The following IL6R variants were observed in gnomAD, a reference collection of about 807,000 sequenced individuals.
IL6R encodes interleukin-6 receptor subunit alpha.
IL6R carries 38 observed loss-of-function variants against 48.3 expected under a neutral mutation model. That is an observed-to-expected ratio of 0.79 (90% confidence interval 0.61 to 1.03). IL6R has a LOEUF of 1.03. IL6R is among the 50% of genes least tolerant of loss of function. IL6R has a pLI of 0.00. For missense variants in IL6R, 534 were observed against 618.3 expected (o/e 0.86, Z 1.45); for synonymous variants, 264 against 256.2 (o/e 1.03, Z -0.29).
intron 9 of IL6R, among the ~76,000 whole-genome samples, chr1:154,464,765 C>G (rs1032994957): frequency 2.6e-5 from 4 of 151,920 alleles, no homozygotes; most frequent in African/African-American, 9.7e-5. Flanking sequence ...TCAAGACCAG[C>G]CTGAGCAACA....
chr1:154,412,318 A>G (rs1688073702), intron 1 of IL6R, among the ~76,000 whole-genome samples: 2 of 151,268 alleles, frequency 1.3e-5, no homozygotes, highest in African/African-American at 2.4e-5. Context: ...CAGTGGCACA[A>G]TCTCAGCTCA....
chr1:154,439,811 A>T (rs904242301), intron 6 of IL6R, among the ~76,000 whole-genome samples: 1 of 152,102 alleles, frequency 6.6e-6, no homozygotes, highest in Admixed American at 6.5e-5. Flanking sequence ...TGTGAGTTTG[A>T]CTACTCTAGT....
At position 154,465,355 on chromosome 1, in the gene IL6R, A is replaced by G. The variant is rs1431089810; in HGVS notation, c.1382A>G (p.Asn461Ser). The G allele has an allele frequency of 5.0e-6, 8 of 1,614,104 alleles. No individual in the cohort carries two copies. Among genetic ancestry groups the G allele is most frequent in the African/African-American group, 2.7e-5 (2 of 74,930 alleles). Residue 461 changes from asparagine (N) to serine (S), a missense_variant, in exon 10 of 10, where the codon AAT becomes AGT. Coordinates refer to ENST00000368485, the MANE Select transcript of IL6R (RefSeq NM_000565.4). ...CCACGGAGCCCTTATGACATCAGCA[A>G]TACAGACTACTTCTTCCCCAGATAG... The part of the protein sequence containing the change: ...RDPRSPYDIS[N>S]TDYFFPR
chr1:154,458,128 G>A (rs1240311538), intron 9 of IL6R, among the ~76,000 whole-genome samples: 2 of 151,780 alleles, frequency 1.3e-5, no homozygotes. Flanking sequence ...CACCACGCCT[G>A]GCTAATTTTT....
chr1:154,434,797 G>A, intron 4 of IL6R, 97 bp downstream of exon 4: 1 of 1,346,162 alleles, frequency 7.4e-7, no homozygotes, highest in Non-Finnish European at 1.0e-6. Context: ...GGTGGTTGAG[G>A]GGTTTGGTGA....
intron 8 of IL6R, among the ~76,000 whole-genome samples, chr1:154,450,369 C>A (rs1690520130): frequency 6.6e-6 from 1 of 152,088 alleles, no homozygotes; most frequent in South Asian, 2.1e-4. Context: ...TGTGATCCAC[C>A]CACCTCGGCC....
chr1:154,467,627 G>C lies in IL6R; in HGVS notation c.*2247G>C, dbSNP rs115361002. The C allele has an allele frequency of 6.6e-6, 1 of 152,230 alleles. No homozygotes were observed. The highest frequency in any genetic ancestry group is 2.1e-4 in the South Asian group (1 of 4,832). 9.4% of individuals were successfully genotyped at this position (152,230 alleles called of 1,614,324 possible). A position where few individuals can be genotyped will look rare whatever the true frequency, so the allele number is the denominator to read the frequency against. ...TGGCAAAAAGGCAGGATGGCCGGGCGCGGTGGCTCACGCCTGTAATCCTAG... is the reference window on the plus strand; with the variant it reads ...TGGCAAAAAGGCAGGATGGCCGGGCCCGGTGGCTCACGCCTGTAATCCTAG... On this transcript the variant is annotated 3_prime_UTR_variant, in exon 10 of 10. Transcript: ENST00000368485.
At chr1:154,463,937 A>G (rs996380927) in intron 9 of IL6R, among the ~76,000 whole-genome samples, 1 of 152,118 alleles carries the variant, frequency 6.6e-6, no homozygotes, top group Non-Finnish European at 1.5e-5. Flanking sequence ...ACTCACCAGC[A>G]TGGTGGGAGT....
chr1:154,441,360 A>G (rs563883623), intron 6 of IL6R, among the ~76,000 whole-genome samples: 1 of 152,262 alleles, frequency 6.6e-6, no homozygotes, highest in East Asian at 1.9e-4. Flanking sequence ...TTTGGCATAG[A>G]CACAGCTTCT....
chr1:154,429,570 G>A (rs1689178661), intron 2 of IL6R, 126 bp downstream of exon 2: 3 of 1,135,550 alleles, frequency 2.6e-6, no homozygotes, highest in East Asian at 5.1e-5. Flanking sequence ...TTTGGGGAAG[G>A]CCCACCAATG....
chr1:154,448,041 C>A, intron 6 of IL6R, 84 bp from the exon 7 acceptor site: 1 of 1,134,560 alleles, frequency 8.8e-7, no homozygotes. Context: ...TTGAGATGAA[C>A]TTTTTTTTTC....
In IL6R at chr1:154,405,488, C is replaced by T; in HGVS notation, c.-142C>T. 1.4e-6 allele frequency: 1 copy of T among 705,612 alleles called. No individual in the cohort carries two copies. The highest frequency in any genetic ancestry group is 4.1e-4 in the Middle Eastern group (1 of 2,458). The allele number at this position is 705,612 out of a possible 1,614,324, so 43.7% of individuals were successfully genotyped here. On this transcript the variant is annotated 5_prime_UTR_variant, in exon 1 of 10. Transcript: ENST00000368485. The surrounding 1 kb of genome is among the most constrained non-coding windows in gnomAD (Gnocchi z 5.2). ...CTCGCAGTGTGTGTAGAGAGCCGGG[C>T]TCCTGCGGATGGGGGCTGCCCCCGG... is the stretch of plus-strand genomic sequence containing the variant.
At chr1:154,420,606 A>C (rs1218101079) in intron 1 of IL6R, among the ~76,000 whole-genome samples, 1 of 150,968 alleles carries the variant, frequency 6.6e-6, no homozygotes, top group Non-Finnish European at 1.5e-5. Context: ...GCAGCCTTCG[A>C]CTCACTGCAG....
chr1:154,464,377 ACTCCTGAC>A (rs1479260145), intron 9 of IL6R, among the ~76,000 whole-genome samples: 2 of 148,024 alleles, frequency 1.4e-5, no homozygotes, highest in Non-Finnish European at 3.0e-5. Flanking sequence ...CTGGTCTTGA[ACTCCTGAC>A]CTCAGGTGAT....
At position 154,455,849 on chromosome 1, in the gene IL6R, G is replaced by T. The variant is rs191492301; in HGVS notation, c.1160+1268G>T. Among the ~76,000 whole-genome samples the T allele has an allele frequency of 1.2e-3, 178 of 151,936 alleles. 2 individuals are homozygous for T. Among genetic ancestry groups the T allele is most frequent in the African/African-American group, 4.0e-3 (165 of 41,510 alleles). On this transcript the variant is annotated intron_variant, in intron 9 of 9. Coordinates refer to ENST00000368485, the MANE Select transcript of IL6R (RefSeq NM_000565.4). Reference sequence around the variant, plus strand: ...AGGCAGGTGGATCACCTGAGGTCAGGAGTTCGAGACCAGCCTGGCCAAAAT... The same window carrying T: ...AGGCAGGTGGATCACCTGAGGTCAGTAGTTCGAGACCAGCCTGGCCAAAAT...
chr1:154,448,156 G>T lies in IL6R; in HGVS notation c.981G>T (p.Val327=). 1 of 1,613,722 alleles carries T rather than the reference G, an allele frequency of 6.2e-7. No homozygotes were observed. Among genetic ancestry groups the T allele is most frequent in the Non-Finnish European group, 8.5e-7 (1 of 1,179,754 alleles). ...ESRSPPAENE[V]STPMQALTTN... The stretch of plus-strand genomic sequence containing the variant: ...GGAGTCCTCCAGCTGAGAACGAGGT[G>T]TCCACCCCCATGCAGGTGAGCTCCT... Residue 327 remains valine (V), a synonymous_variant, in exon 7 of 10, where the codon GTG becomes GTT. Transcript: ENST00000368485.
chr1:154,437,272 A>AT (rs1236845068), intron 6 of IL6R, among the ~76,000 whole-genome samples: 2 of 151,674 alleles, frequency 1.3e-5, no homozygotes, highest in South Asian at 2.1e-4. Flanking sequence ...AATTTTTTCT[A>AT]TTTTTTAGTA....
At chr1:154,419,564 G>T (rs767711843) in intron 1 of IL6R, among the ~76,000 whole-genome samples, 1 of 152,170 alleles carries the variant, frequency 6.6e-6, no homozygotes, top group Non-Finnish European at 1.5e-5. Flanking sequence ...TAGGCTGGGG[G>T]CCTCCTGTGC....
At chr1:154,422,910 G>T (rs1688756830) in intron 1 of IL6R, among the ~76,000 whole-genome samples, 1 of 152,094 alleles carries the variant, frequency 6.6e-6, no homozygotes, top group Non-Finnish European at 1.5e-5. Flanking sequence ...CTTTGGTAGG[G>T]CCTACTTAGG....
Sources: allele counts gnomAD v4.1 joint callset (sites outside exome capture counted in the v4.1 genomes callset), GRCh38; gene constraint gnomAD v4.1.1; non-coding constraint Gnocchi (gnomAD v3.1); transcripts MANE v1.5; gene names NCBI Gene and HGNC (gene_info 2026-07-23, HGNC 2026-07-21).